Variants in MED13 observed in about 807,000 individuals in gnomAD.
MED13 encodes the protein mediator complex subunit 13.
In MED13, 23 loss-of-function variants were observed where a neutral mutation model predicts 225.2. The observed-to-expected ratio is 0.10, with a 90% CI of 0.07 to 0.14. The LOEUF is 0.14. Among genes scored for constraint, MED13 ranks in the 10% least tolerant of loss-of-function variants. The pLI is 1.00. For synonymous variants in MED13, 942 were observed against 889.2 expected (o/e 1.06, Z -1.06); for missense variants, 2,197 against 2,594.5 (o/e 0.85, Z 3.33).
intron 20 of MED13, among the ~76,000 whole-genome samples, chr17:61,964,578 A>C (rs1300583498): frequency 6.6e-6 from 1 of 152,088 alleles, no homozygotes. Context: ...AAAAGATACA[A>C]ACTAAAATTT....
intron 17 of MED13, among the ~76,000 whole-genome samples, chr17:61,969,015 G>A (rs943767966): frequency 5.9e-5 from 9 of 152,096 alleles, no homozygotes; most frequent in Non-Finnish European, 8.8e-5. Context: ...GCCTCCCAAA[G>A]TGCTGGGATT....
Position 61,984,685 on chromosome 17 carries a change from T to G in MED13, c.2657A>C (p.Glu886Ala), listed in dbSNP as rs1430078909. 6.2e-7 allele frequency: 1 copy of G among 1,613,556 alleles called. No individual in the cohort carries two copies. Among genetic ancestry groups the G allele is most frequent in the East Asian group, 2.2e-5 (1 of 44,848 alleles). ...AGAAGGTTTGGGGCTACAGAATCCCTCATCAACCTCAATTTTGAACTGCGC... is the reference window on the plus strand; with the variant it reads ...AGAAGGTTTGGGGCTACAGAATCCCGCATCAACCTCAATTTTGAACTGCGC... The part of the protein sequence containing the change: ...IGAQFKIEVD[E>A]GFCSPKPSEI... The change falls in exon 14 of 30, where the codon GAG (glutamate) becomes GCG (alanine). Residue 886 changes from glutamate (E) to alanine (A), a missense_variant. By Grantham distance (107) the Glu-to-Ala change is moderately radical. Coordinates refer to ENST00000397786, the MANE Select transcript of MED13 (RefSeq NM_005121.3).
intron 3 of MED13, among the ~76,000 whole-genome samples, chr17:62,037,560 A>G (rs1436249451): frequency 6.7e-6 from 1 of 149,058 alleles, no homozygotes; most frequent in Non-Finnish European, 1.5e-5. Context: ...CCAGCTACTC[A>G]GGAGGCTGAG....
chr17:62,025,496 C>T (rs913024408), intron 8 of MED13, among the ~76,000 whole-genome samples: 13 of 152,164 alleles, frequency 8.5e-5, no homozygotes, highest in African/African-American at 2.7e-4. Flanking sequence ...GGTGAAACCC[C>T]GTCTCTACTA....
chr17:62,031,649 A>T lies in MED13; in HGVS notation c.815-11T>A, dbSNP rs1285692676. 6.6e-7 allele frequency: 1 copy of T among 1,524,874 alleles called. No homozygotes were observed. Among genetic ancestry groups the T allele is most frequent in the Non-Finnish European group, 8.8e-7 (1 of 1,133,662 alleles). 94.5% of individuals were successfully genotyped at this position (1,524,874 alleles called of 1,614,324 possible). A position where few individuals can be genotyped will look rare whatever the true frequency, so the allele number is the denominator to read the frequency against. ...TCATTCGGACACCAGCTGAAAGGAA[A>T]AAAATGGGACAGGAAAACCAATTAC... On this transcript the variant is annotated splice_polypyrimidine_tract_variant and intron_variant, in intron 5 of 29. Coordinates refer to ENST00000397786, the MANE Select transcript of MED13 (RefSeq NM_005121.3).
At chr17:62,033,430 G>GTC (rs1455185485) in intron 5 of MED13, among the ~76,000 whole-genome samples, 1 of 152,130 alleles carries the variant, frequency 6.6e-6, no homozygotes, top group Non-Finnish European at 1.5e-5. Flanking sequence ...CTTTGGCTTG[G>GTC]CCATTTAACT....
intron 8 of MED13, among the ~76,000 whole-genome samples, chr17:62,028,840 A>G (rs2080726959): frequency 1.3e-5 from 2 of 151,988 alleles, no homozygotes; most frequent in East Asian, 3.9e-4. Flanking sequence ...GCAAGACTCC[A>G]TCTCAAAAAA....
chr17:61,985,203 T>C (rs1251861900), intron 12 of MED13, 113 bp from the exon 13 acceptor site: 1 of 813,852 alleles, frequency 1.2e-6, no homozygotes, highest in African/African-American at 1.7e-5. Flanking sequence ...AGTAGTATTT[T>C]GAATCTGTGA....
chr17:61,960,739 A>G (rs2079991476), intron 23 of MED13, 128 bp downstream of exon 23: 1 of 577,678 alleles, frequency 1.7e-6, no homozygotes, highest in Non-Finnish European at 2.8e-6. Flanking sequence ...AAAAGTAAAA[A>G]GCACCCACAA....
At chr17:62,012,087 G>T (rs1292552657) in intron 8 of MED13, among the ~76,000 whole-genome samples, 3 of 151,450 alleles carry the variant, frequency 2.0e-5, no homozygotes, top group Non-Finnish European at 4.4e-5. Context: ...GTGGTGGCAC[G>T]CGCCTGTAGT....
chr17:62,001,392 C>A (rs951995802), intron 9 of MED13, among the ~76,000 whole-genome samples: 1 of 152,136 alleles, frequency 6.6e-6, no homozygotes, highest in African/African-American at 2.4e-5. Context: ...CCAAACTGAT[C>A]TCCTTTCACA....
In MED13 at chr17:62,000,580, G is replaced by A. The variant is rs1190621739; in HGVS notation, c.1968-5215C>T. On this transcript the variant is annotated intron_variant, in intron 9 of 29. Transcript: ENST00000397786. ...CTAATTAAGGTGGAAAAAAACCTAG[G>A]TATATGCCAGCATATATGTATGCAC... Among the ~76,000 whole-genome samples, 3 of 152,000 alleles carry A rather than the reference G, an allele frequency of 2.0e-5. No homozygotes were observed. In the South Asian group the frequency reaches 6.2e-4, roughly 32 times the overall value.
At chr17:62,062,221 G>GCATACATA (rs1185925500) in intron 2 of MED13, among the ~76,000 whole-genome samples, 1 of 152,102 alleles carries the variant, frequency 6.6e-6, no homozygotes, top group Admixed American at 6.5e-5. Context: ...GAACCTTATA[G>GCATACATA]CATACAACCA....
Position 62,048,055 on chromosome 17 carries a change from T to TATAC in MED13, c.470+4481_470+4482insGTAT, listed in dbSNP as rs1603408950. ...ACATATACATATACATATATATATA[T>TATAC]ATATATATGTATATATGTATATATA... On this transcript the variant is annotated intron_variant, in intron 3 of 29. Coordinates refer to ENST00000397786, the MANE Select transcript of MED13 (RefSeq NM_005121.3). Among the ~76,000 whole-genome samples, 4 of 133,710 alleles carry TATAC rather than the reference T, an allele frequency of 3.0e-5. No homozygotes were observed. In the East Asian group the frequency reaches 6.8e-4, roughly 23 times the overall value. 87.7% of individuals were successfully genotyped at this position (133,710 alleles called of 152,430 possible). A position where few individuals can be genotyped will look rare whatever the true frequency, so the allele number is the denominator to read the frequency against.
chr17:62,031,394 T>A, intron 6 of MED13, 50 bp downstream of exon 6: 1 of 1,401,172 alleles, frequency 7.1e-7, no homozygotes, highest in Non-Finnish European at 9.6e-7. Flanking sequence ...GTACTTACTG[T>A]ACACAAAATA....
chr17:62,032,070 T>TA (rs1307725243), intron 5 of MED13, among the ~76,000 whole-genome samples: 1 of 151,974 alleles, frequency 6.6e-6, no homozygotes, highest in Middle Eastern at 3.2e-3. Flanking sequence ...TTTAAAAGCC[T>TA]AAAAAATGTG....
Position 62,011,178 on chromosome 17 carries a change from C to T in MED13, c.1339G>A (p.Gly447Ser), listed in dbSNP as rs750066830. 6.2e-7 allele frequency: 1 copy of T among 1,613,990 alleles called. No individual in the cohort carries two copies. Among genetic ancestry groups the T allele is most frequent in the African/African-American group, 1.3e-5 (1 of 74,910 alleles). ...TTAGGAAGTATTTGTTGTTGCTGAC[C>T]TAAAGATGGTGCCTGTCCTTGTTGT... ...AGQQGQAPSL[G>S]QQQQILPKHK... is the part of the protein sequence containing the mutation. Residue 447 changes from glycine to serine, a missense_variant, in exon 9 of 30, where the codon GGT becomes AGT. Physicochemically the swap from Gly to Ser is moderately conservative, Grantham distance 56 (BLOSUM62 0). Around this residue, in one of 12 missense-constraint regions of MED13, gnomAD observed 884 missense variants for 918.5 expected, o/e 0.96. Coordinates refer to ENST00000397786, the MANE Select transcript of MED13 (RefSeq NM_005121.3).
chr17:62,060,759 G>A (rs1209163382), intron 2 of MED13, among the ~76,000 whole-genome samples: 1 of 151,322 alleles, frequency 6.6e-6, no homozygotes, highest in African/African-American at 2.4e-5. Flanking sequence ...GAGTGCAGTG[G>A]CAAGATCTCG....
At chr17:61,951,090 T>C (rs2079892622) in intron 27 of MED13, 92 bp from the exon 28 acceptor site, 1 of 967,758 alleles carries the variant, frequency 1.0e-6, no homozygotes, top group East Asian at 2.7e-5. Context: ...ATCAGTCTCA[T>C]TATCTTATGA....
Sources: gnomAD v4.1 joint callset for allele counts (sites outside exome capture counted in the v4.1 genomes callset) on GRCh38, gnomAD v4.1.1 for gene constraint, gnomAD v4.1.1 regional missense constraint, MANE v1.5 for transcripts, NCBI Gene and HGNC (gene_info 2026-07-23, HGNC 2026-07-21) for gene names.